The following DPH5 variants were observed in gnomAD, a reference collection of about 807,000 sequenced individuals.
DPH5 encodes the protein diphthamide biosynthesis 5.
Under a neutral mutation model 31.6 loss-of-function variants are expected in DPH5, and 31 were observed. That is an observed-to-expected ratio of 0.98 (90% CI 0.74 to 1.32). DPH5 has a LOEUF of 1.32. Ranked by LOEUF, DPH5 falls within the 40% of genes most tolerant of loss-of-function variation. The pLI is 0.00. For synonymous variants in DPH5, 120 were observed against 115.0 expected (o/e 1.04, Z -0.28); for missense variants, 309 against 335.7 (o/e 0.92, Z 0.62).
intron 6 of DPH5, 111 bp from the exon 7 acceptor site, chr1:100,992,851 T>C (rs1211252414): frequency 3.1e-6 from 2 of 646,192 alleles, no homozygotes; most frequent in South Asian, 2.5e-5. Flanking sequence ...TACATTCTGT[T>C]TGATGTTTTT....
chr1:100,999,714 C>T (rs1283860097), intron 5 of DPH5, among the ~76,000 whole-genome samples: 3 of 151,886 alleles, frequency 2.0e-5, no homozygotes, highest in Non-Finnish European at 4.4e-5. Flanking sequence ...TGTCAGGCAC[C>T]TGTAATCCCA....
Position 100,995,124 on chromosome 1 carries a change from C to G in DPH5, c.516G>C (p.Leu172Phe), listed in dbSNP as rs757152774. 1.3e-6 allele frequency: 2 copies of G among 1,578,634 alleles called. No individual in the cohort carries two copies. Among genetic ancestry groups the G allele is most frequent in the Non-Finnish European group, 1.7e-6 (2 of 1,149,036 alleles). Residue 172 changes from leucine to phenylalanine, a missense_variant, in exon 6 of 8, where the codon TTG (leucine) becomes TTC (phenylalanine). Coordinates refer to ENST00000370109, the MANE Select transcript of DPH5 (RefSeq NM_015958.3). ...TAATAACTTACTTGATTAGATTTTC[C>G]AAAGACTGCTCCTTTACTTTGATGT... ...LLDIKVKEQS[L>F]ENLIKGRKIY...
Position 101,021,640 on chromosome 1 carries a change from C to A in DPH5, c.260+1G>T. ...AACTCAAAATATCTGCCTTGACTTA[C>A]CCAAATGGATCACCAACCACAAGGA... On this transcript the variant is annotated splice_donor_variant, in intron 3 of 7. Coordinates refer to ENST00000370109, the MANE Select transcript of DPH5 (RefSeq NM_015958.3). LOFTEE classifies it high-confidence loss of function. The A allele has an allele frequency of 6.2e-7, 1 of 1,611,748 alleles. No homozygotes were observed. Among genetic ancestry groups the A allele is most frequent in the Non-Finnish European group, 8.5e-7 (1 of 1,178,606 alleles).
chr1:101,005,973 C>T (rs1333759524), intron 4 of DPH5, among the ~76,000 whole-genome samples: 1 of 152,142 alleles, frequency 6.6e-6, no homozygotes, highest in Admixed American at 6.5e-5. Context: ...TGAGTTCTCA[C>T]AAGATCTGAT....
At chr1:101,013,689 A>G (rs1659859168) in intron 4 of DPH5, 21 bp downstream of exon 4, 1 of 1,472,678 alleles carries the variant, frequency 6.8e-7, no homozygotes. Flanking sequence ...TTCCACTGAA[A>G]AACCTCCTTT....
intron 3 of DPH5, among the ~76,000 whole-genome samples, chr1:101,014,064 G>A (rs929351068): frequency 1.3e-5 from 2 of 152,140 alleles, no homozygotes; most frequent in Non-Finnish European, 2.9e-5. Context: ...ACTTAAGAAA[G>A]GGACCTTTAC....
intron 5 of DPH5, chr1:100,995,419 A>G: frequency 2.9e-6 from 1 of 349,292 alleles, no homozygotes; most frequent in African/African-American, 2.1e-5. Flanking sequence ...TTAGATAAAC[A>G]TTGGCATATA....
intron 4 of DPH5, among the ~76,000 whole-genome samples, chr1:101,007,018 A>G (rs959337580): frequency 6.6e-6 from 1 of 152,232 alleles, no homozygotes; most frequent in African/African-American, 2.4e-5. Context: ...AAACCATTTC[A>G]GTCACCAAAT....
intron 3 of DPH5, among the ~76,000 whole-genome samples, chr1:101,019,635 C>T (rs1558051466): frequency 6.6e-6 from 1 of 152,138 alleles, no homozygotes; most frequent in East Asian, 1.9e-4. Context: ...GATTTCTCCT[C>T]CATTTAATCC....
chr1:101,007,423 A>T, intron 4 of DPH5, among the ~76,000 whole-genome samples: 1 of 152,160 alleles, frequency 6.6e-6, no homozygotes, highest in East Asian at 1.9e-4. Flanking sequence ...AATTCAAGAA[A>T]AGGACTTTGG....
At chr1:101,006,003 C>T (rs1659204572) in intron 4 of DPH5, among the ~76,000 whole-genome samples, 1 of 151,996 alleles carries the variant, frequency 6.6e-6, no homozygotes, top group African/African-American at 2.4e-5. Context: ...AAGGGATTTC[C>T]CCCGTTTACT....
At chr1:100,994,729 G>A (rs1558033190) in intron 6 of DPH5, among the ~76,000 whole-genome samples, 1 of 152,048 alleles carries the variant, frequency 6.6e-6, no homozygotes, top group African/African-American at 2.4e-5. Context: ...GTTTCACCAT[G>A]TTGGCCAGGC....
At chr1:101,008,116 G>A (rs1383663353) in intron 4 of DPH5, among the ~76,000 whole-genome samples, 1 of 152,140 alleles carries the variant, frequency 6.6e-6, no homozygotes, top group Non-Finnish European at 1.5e-5. Flanking sequence ...TGGAAAAGAG[G>A]CTGGCTTTTT....
At chr1:101,015,905 C>G (rs1004669134) in intron 3 of DPH5, among the ~76,000 whole-genome samples, 1 of 152,158 alleles carries the variant, frequency 6.6e-6, no homozygotes, top group African/African-American at 2.4e-5. Context: ...GAAGAGAGTT[C>G]GAGCCTTGCC....
chr1:101,013,764 A>G lies in DPH5; in HGVS notation c.315T>C (p.Tyr105=), dbSNP rs372929823. Residue 105 remains tyrosine (Y), a synonymous_variant, in exon 4 of 8, where the codon TAT becomes TAC. Transcript: ENST00000370109. The part of the protein sequence containing the change: ...VLRATKLGIP[Y]RVIHNASIMN... ...TTATGGAGGCATTGTGAATAACTCT[A>G]TAAGGAATTCCCAGCTTTGTTGCTC... 8.9e-5 allele frequency: 144 copies of G among 1,613,208 alleles called. No homozygotes were observed. Among genetic ancestry groups the G allele is most frequent in the Non-Finnish European group, 1.1e-4 (128 of 1,179,568 alleles).
chr1:101,020,130 G>A (rs1301333896), intron 3 of DPH5, among the ~76,000 whole-genome samples: 1 of 152,052 alleles, frequency 6.6e-6, no homozygotes. Context: ...TTACATCAAG[G>A]TACTTTCTCT....
rs181282466 is a variant in DPH5, at chr1:101,009,004, C to T, written c.369+4706G>A. On this transcript the variant is annotated intron_variant, in intron 4 of 7. Transcript: ENST00000370109. Reference sequence around the variant, plus strand: ...AACCATTAATTACTTTCTGTCTCTACAGATTTGCCTTTTGGGGACACTTCA... The same window carrying T: ...AACCATTAATTACTTTCTGTCTCTATAGATTTGCCTTTTGGGGACACTTCA... Among the ~76,000 whole-genome samples, 165 of 152,296 alleles carry T rather than the reference C, an allele frequency of 1.1e-3. 1 individual carries two copies. Among genetic ancestry groups the T allele is most frequent in the Non-Finnish European group, 1.3e-3 (89 of 68,016 alleles).
At chr1:101,023,720 T>C (rs917956132) in intron 2 of DPH5, among the ~76,000 whole-genome samples, 1 of 152,258 alleles carries the variant, frequency 6.6e-6, no homozygotes, top group Non-Finnish European at 1.5e-5. Context: ...CAGAGAAGTT[T>C]GGAAATGTGA....
intron 3 of DPH5, among the ~76,000 whole-genome samples, chr1:101,016,707 A>G (rs1374301629): frequency 2.0e-5 from 3 of 152,010 alleles, no homozygotes; most frequent in Non-Finnish European, 4.4e-5. Context: ...TCAGCCTCCC[A>G]AAGTGCTGGG....
Sources: gnomAD v4.1 joint callset for allele counts (sites outside exome capture counted in the v4.1 genomes callset) on GRCh38, gnomAD v4.1.1 for gene constraint, MANE v1.5 for transcripts, NCBI Gene and HGNC (gene_info 2026-07-23, HGNC 2026-07-21) for gene names.